The following UNC5C variants were observed in gnomAD, a reference collection of about 807,000 sequenced individuals.
UNC5C encodes netrin receptor UNC5C.
Under a neutral mutation model 99.8 loss-of-function variants are expected in UNC5C, and 47 were observed. The ratio of observed to expected loss-of-function variants is 0.47; its 90% CI spans 0.37 to 0.60. The LOEUF (loss-of-function observed/expected upper bound fraction) is 0.60, where lower values mean the gene tolerates loss of function less well. Among genes scored for constraint, UNC5C ranks in the 20% least tolerant of loss-of-function variants. The probability of loss-of-function intolerance (pLI) is 0.00; values close to 1 mark genes in which losing one functional copy is unlikely to be tolerated. For synonymous variants in UNC5C, 487 were observed against 452.2 expected (o/e 1.08, Z -0.98); for missense variants, 1,062 against 1,165.9 (o/e 0.91, Z 1.30).
rs538524018 is a variant in UNC5C, at chr4:95,229,466, T to C, written c.1109-9290A>G. Among the ~76,000 whole-genome samples, 11 of 152,340 alleles carry C rather than the reference T, an allele frequency of 7.2e-5. No individual in the cohort carries two copies. In the South Asian group the frequency reaches 1.7e-3, roughly 23 times the overall value. ...CAATAAAACATGAACTCATCCTTTT[T>C]TTATGGCTGCATAGTATTTCATGGT... On this transcript the variant is annotated intron_variant, in intron 7 of 15. Coordinates refer to ENST00000453304, the MANE Select transcript of UNC5C (RefSeq NM_003728.4).
chr4:95,520,022 C>T (rs535478222), intron 1 of UNC5C, among the ~76,000 whole-genome samples: 5 of 152,224 alleles, frequency 3.3e-5, no homozygotes, highest in South Asian at 4.1e-4. Flanking sequence ...TTATGCTTTC[C>T]GCTAAGAGGA....
rs561555528 is a variant in UNC5C, at chr4:95,334,142, T to A, written c.346+1268A>T. Among the ~76,000 whole-genome samples, 4 of 152,150 alleles carry A rather than the reference T, an allele frequency of 2.6e-5. No individual in the cohort carries two copies. In the East Asian group the frequency reaches 7.7e-4, roughly 29 times the overall value. ...TATAAAGAATATGTCCTACATGCTT[T>A]TTAAAAAGTTGCCTCTTCTCAGTCC... On this transcript the variant is annotated intron_variant, in intron 2 of 15. Coordinates refer to ENST00000453304, the MANE Select transcript of UNC5C (RefSeq NM_003728.4).
intron 2 of UNC5C, among the ~76,000 whole-genome samples, chr4:95,302,556 G>A (rs1016661043): frequency 2.0e-5 from 3 of 152,150 alleles, no homozygotes; most frequent in African/African-American, 7.2e-5. Context: ...AGCAAGAGGG[G>A]TTATCTGAAC....
At chr4:95,528,332 A>G (rs1722549229) in intron 1 of UNC5C, among the ~76,000 whole-genome samples, 2 of 152,006 alleles carry the variant, frequency 1.3e-5, no homozygotes, top group African/African-American at 4.8e-5. Context: ...AACTCTATCA[A>G]TTTTCGCACC....
At chr4:95,346,438 AG>A (rs1173260353) in intron 1 of UNC5C, among the ~76,000 whole-genome samples, 5 of 152,056 alleles carry the variant, frequency 3.3e-5, no homozygotes, top group African/African-American at 1.2e-4. Flanking sequence ...CTATCAGGTG[AG>A]TATTACCCTT....
rs150192806 is a variant in UNC5C at position 95,460,853 on chromosome 4, A to G, written c.124+87881T>C. 4.0e-3 allele frequency among the ~76,000 whole-genome samples: 604 copies of G among 152,272 alleles called. 2 individuals carry two copies. The highest frequency in any genetic ancestry group is 0.014 in the African/African-American group (577 of 41,572). Reference sequence around the variant, plus strand: ...CACATTCCTGGGTCCACCCACTATTACTGGGATAGGATTACACAGAGTTTG... The same window carrying G: ...CACATTCCTGGGTCCACCCACTATTGCTGGGATAGGATTACACAGAGTTTG... On this transcript the variant is annotated intron_variant, in intron 1 of 15. Transcript: ENST00000453304.
chr4:95,186,751 T>C (rs1248290426), intron 12 of UNC5C, among the ~76,000 whole-genome samples: 1 of 152,178 alleles, frequency 6.6e-6, no homozygotes, highest in Non-Finnish European at 1.5e-5. Flanking sequence ...CCTGAGAGTA[T>C]TGACCTGCTA....
At chr4:95,183,140 T>A in intron 13 of UNC5C, 79 bp from the exon 14 acceptor site, 1 of 1,411,602 alleles carries the variant, frequency 7.1e-7, no homozygotes, top group Non-Finnish European at 9.8e-7. Flanking sequence ...TGCCAGGTAC[T>A]CTGAGTATCA....
chr4:95,531,712 A>G (rs961125441), intron 1 of UNC5C, among the ~76,000 whole-genome samples: 1 of 152,208 alleles, frequency 6.6e-6, no homozygotes, highest in Non-Finnish European at 1.5e-5. Context: ...ATGTACTCCA[A>G]AACATATTTA....
chr4:95,518,249 A>C (rs539035472), intron 1 of UNC5C, among the ~76,000 whole-genome samples: 1 of 152,128 alleles, frequency 6.6e-6, no homozygotes, highest in African/African-American at 2.4e-5. Flanking sequence ...TCTCACTCCA[A>C]ATAAATCATG....
chr4:95,273,788 A>C (rs1740751360), intron 4 of UNC5C, among the ~76,000 whole-genome samples: 1 of 152,064 alleles, frequency 6.6e-6, no homozygotes, highest in South Asian at 2.1e-4. Context: ...CCTGGAACTC[A>C]AGTGTCTCCC....
chr4:95,301,195 A>ATTTTTT (rs34905310), intron 3 of UNC5C, among the ~76,000 whole-genome samples: 2 of 125,816 alleles, frequency 1.6e-5, no homozygotes, highest in Non-Finnish European at 1.6e-5. Flanking sequence ...TTTTTCCAGG[A>ATTTTTT]TTTTTTTTTT....
intron 1 of UNC5C, among the ~76,000 whole-genome samples, chr4:95,492,729 C>G (rs1721531686): frequency 6.6e-6 from 1 of 151,490 alleles, no homozygotes; most frequent in Non-Finnish European, 1.5e-5. Context: ...TTTACTCTTA[C>G]TCTGAGAGAA....
intron 7 of UNC5C, among the ~76,000 whole-genome samples, chr4:95,222,524 C>A (rs1434223047): frequency 6.6e-6 from 1 of 152,106 alleles, no homozygotes; most frequent in Non-Finnish European, 1.5e-5. Context: ...TAAAGTCTTT[C>A]TTTTATTGAG....
chr4:95,362,005 C>T (rs192668881), intron 1 of UNC5C, among the ~76,000 whole-genome samples: 1 of 151,828 alleles, frequency 6.6e-6, no homozygotes, highest in Non-Finnish European at 1.5e-5. Flanking sequence ...CACTTACAAA[C>T]TGAAACAGCC....
rs112580068 is a variant in UNC5C, at chr4:95,231,351, T to C, written c.1108+11078A>G. Among the ~76,000 whole-genome samples the C allele has an allele frequency of 6.6e-3, 1,003 of 152,304 alleles. 15 individuals carry two copies. Among genetic ancestry groups the C allele is most frequent in the African/African-American group, 0.023 (958 of 41,562 alleles). On this transcript the variant is annotated intron_variant, in intron 7 of 15. Transcript: ENST00000453304. The stretch of plus-strand genomic sequence containing the variant: ...CAATAGATGATAGATTCATATCTTA[T>C]GGGGGTGGCTAGGATGCAAGTTATG...
chr4:95,480,845 G>C (rs559732387), intron 1 of UNC5C, among the ~76,000 whole-genome samples: 5 of 151,878 alleles, frequency 3.3e-5, no homozygotes, highest in Non-Finnish European at 7.4e-5. Flanking sequence ...ATTAGGTATT[G>C]ATGGGACGTA....
At chr4:95,235,736 C>T (rs1033921990) in intron 7 of UNC5C, among the ~76,000 whole-genome samples, 5 of 152,094 alleles carry the variant, frequency 3.3e-5, no homozygotes, top group African/African-American at 7.2e-5. Context: ...TTTGTTAAAT[C>T]GGGAATCCTT....
chr4:95,273,363 G>A (rs991666095), intron 4 of UNC5C, among the ~76,000 whole-genome samples: 1 of 152,216 alleles, frequency 6.6e-6, no homozygotes, highest in African/African-American at 2.4e-5. Flanking sequence ...ATCCATTGAT[G>A]TTTTGATCCT....
Sources: allele counts gnomAD v4.1 joint callset (sites outside exome capture counted in the v4.1 genomes callset), GRCh38; gene constraint gnomAD v4.1.1; transcripts MANE v1.5; gene names NCBI Gene and HGNC (gene_info 2026-07-23, HGNC 2026-07-21).